The following PRKG2 variants were observed in gnomAD, a reference collection of about 807,000 sequenced individuals.
PRKG2 encodes cGMP-dependent protein kinase 2.
Under a neutral mutation model 97.2 loss-of-function variants are expected in PRKG2, and 33 were observed. The ratio of observed to expected loss-of-function variants is 0.34; its 90% CI spans 0.26 to 0.45. The LOEUF (loss-of-function observed/expected upper bound fraction) is 0.45, where lower values mean the gene tolerates loss of function less well. PRKG2 is among the 20% of genes least tolerant of loss of function. PRKG2 has a pLI of 1.00. For missense variants in PRKG2, 638 were observed against 900.0 expected, an observed-to-expected ratio of 0.71 and a Z score of 3.73; for synonymous variants, 330 against 321.8, an observed-to-expected ratio of 1.03 and a Z score of -0.27.
At chr4:81,152,358 C>A (rs1208613025) in intron 7 of PRKG2, among the ~76,000 whole-genome samples, 1 of 152,094 alleles carries the variant, frequency 6.6e-6, no homozygotes, top group Non-Finnish European at 1.5e-5. Context: ...TCTGAGAGAT[C>A]CACAAAGCAA....
At chr4:81,105,245 T>G (rs1465001069) in intron 16 of PRKG2, among the ~76,000 whole-genome samples, 1 of 152,142 alleles carries the variant, frequency 6.6e-6, no homozygotes, top group Non-Finnish European at 1.5e-5. Context: ...TTGAATTTAT[T>G]CCTTTTATCT....
chr4:81,097,327 C>A (rs1254801943), intron 17 of PRKG2, among the ~76,000 whole-genome samples: 3 of 152,080 alleles, frequency 2.0e-5, no homozygotes, highest in African/African-American at 7.2e-5. Context: ...TTATTCCGAG[C>A]AGGAGGTCTC....
intron 6 of PRKG2, among the ~76,000 whole-genome samples, chr4:81,159,303 T>A (rs1305503454): frequency 6.6e-6 from 1 of 151,872 alleles, no homozygotes; most frequent in Non-Finnish European, 1.5e-5. Flanking sequence ...GCAACGGATA[T>A]GAACAGACAC....
intron 6 of PRKG2, among the ~76,000 whole-genome samples, chr4:81,160,709 T>C (rs1387069531): frequency 6.6e-6 from 1 of 152,206 alleles, no homozygotes; most frequent in South Asian, 2.1e-4. Context: ...TATTATTTAA[T>C]TTAGATCTAT....
chr4:81,116,678 T>C (rs1388923417), intron 14 of PRKG2, among the ~76,000 whole-genome samples: 1 of 152,182 alleles, frequency 6.6e-6, no homozygotes, highest in Non-Finnish European at 1.5e-5. Flanking sequence ...CCTGCCAGTA[T>C]GTTATTTTTT....
At chr4:81,183,664 G>A (rs1421582267) in intron 2 of PRKG2, among the ~76,000 whole-genome samples, 1 of 151,976 alleles carries the variant, frequency 6.6e-6, no homozygotes, top group Non-Finnish European at 1.5e-5. Flanking sequence ...CCCCTGAAAA[G>A]GGGGCTGAAG....
chr4:81,091,303 G>A (rs927891432), intron 18 of PRKG2, among the ~76,000 whole-genome samples: 2 of 151,242 alleles, frequency 1.3e-5, no homozygotes, highest in African/African-American at 4.9e-5. Context: ...TATTTTTTGA[G>A]ACGGAGTCTT....
At chr4:81,176,545 C>T (rs934575905) in intron 2 of PRKG2, among the ~76,000 whole-genome samples, 3 of 152,136 alleles carry the variant, frequency 2.0e-5, no homozygotes, top group Non-Finnish European at 4.4e-5. Context: ...CAAGAAGCTC[C>T]AGCTTTCGCA....
intron 14 of PRKG2, among the ~76,000 whole-genome samples, chr4:81,123,093 G>A (rs2110005841): frequency 6.6e-6 from 1 of 152,284 alleles, no homozygotes; most frequent in Middle Eastern, 3.4e-3. Flanking sequence ...TATTATTTGT[G>A]TTTTATACAT....
At chr4:81,140,766 T>C (rs953318993) in intron 11 of PRKG2, 97 bp from the exon 12 acceptor site, 2 of 1,087,746 alleles carry the variant, frequency 1.8e-6, no homozygotes, top group Non-Finnish European at 1.3e-6. Context: ...TTAATTAGTA[T>C]GGAAGCCCTT....
chr4:81,106,014 T>G lies in PRKG2; in HGVS notation c.1941-79A>C, dbSNP rs939256334. ...ATTTGGAATGAATTTTCTTTCTTCCTTCTTTCCTTCCCTCCCTTCTTTCAT... is the reference window on the plus strand; with the variant it reads ...ATTTGGAATGAATTTTCTTTCTTCCGTCTTTCCTTCCCTCCCTTCTTTCAT... On this transcript the variant is annotated intron_variant, in intron 15 of 18. Coordinates refer to ENST00000264399, the MANE Select transcript of PRKG2 (RefSeq NM_006259.3). The G allele has an allele frequency of 2.7e-6, 4 of 1,468,272 alleles. No homozygotes were observed. The East Asian group carries it at 9.3e-5, about 34-fold the overall frequency. 91.0% of individuals were successfully genotyped at this position (1,468,272 alleles called of 1,614,324 possible).
chr4:81,100,041 C>A (rs1433394557), intron 17 of PRKG2, among the ~76,000 whole-genome samples: 1 of 151,960 alleles, frequency 6.6e-6, no homozygotes, highest in African/African-American at 2.4e-5. Flanking sequence ...GAACTACAAA[C>A]CACTGCTCGA....
At position 81,088,676 on chromosome 4, in the gene PRKG2, T is replaced by C. The variant is rs1235880098; in HGVS notation, c.*1032A>G. On this transcript the variant is annotated 3_prime_UTR_variant, in exon 19 of 19. Transcript: ENST00000264399. ...AACACATCCATGACTCAGATGTCTT[T>C]AAAAAGCGCTATTAACTCAGCAGTG... is the stretch of plus-strand genomic sequence containing the variant. The C allele has an allele frequency of 6.6e-6, 1 of 152,174 alleles. No individual in the cohort carries two copies. The highest frequency in any genetic ancestry group is 1.5e-5 in the Non-Finnish European group (1 of 68,020). 9.4% of individuals were successfully genotyped at this position (152,174 alleles called of 1,614,324 possible). A position where few individuals can be genotyped will look rare whatever the true frequency, so the allele number is the denominator to read the frequency against.
intron 11 of PRKG2, 93 bp from the exon 12 acceptor site, chr4:81,140,762 A>T: frequency 5.3e-6 from 6 of 1,140,992 alleles, no homozygotes; most frequent in Non-Finnish European, 7.5e-6. Context: ...ATGTTTAATT[A>T]GTATGGAAGC....
At chr4:81,131,273 G>T (rs1055969585) in intron 14 of PRKG2, among the ~76,000 whole-genome samples, 1 of 151,880 alleles carries the variant, frequency 6.6e-6, no homozygotes, top group East Asian at 1.9e-4. Context: ...CCCAGGTGAG[G>T]TGACATTCCA....
At chr4:81,202,872 G>A (rs1753404115) in intron 2 of PRKG2, among the ~76,000 whole-genome samples, 1 of 152,026 alleles carries the variant, frequency 6.6e-6, no homozygotes, top group Non-Finnish European at 1.5e-5. Flanking sequence ...CAAAGTAATT[G>A]AACATAATCT....
At chr4:81,190,038 A>C (rs982284424) in intron 2 of PRKG2, among the ~76,000 whole-genome samples, 7 of 152,222 alleles carry the variant, frequency 4.6e-5, no homozygotes, top group African/African-American at 1.2e-4. Context: ...ATCCCCATCA[A>C]GCTACCATTG....
intron 17 of PRKG2, among the ~76,000 whole-genome samples, chr4:81,092,837 A>G (rs1240049851): frequency 6.6e-6 from 1 of 152,192 alleles, no homozygotes; most frequent in Non-Finnish European, 1.5e-5. Flanking sequence ...ATCTGAGTCC[A>G]TGATCAAATC....
At chr4:81,194,965 C>G (rs1752863116) in intron 2 of PRKG2, among the ~76,000 whole-genome samples, 1 of 152,212 alleles carries the variant, frequency 6.6e-6, no homozygotes, top group East Asian at 1.9e-4. Context: ...GCCCAGGGCT[C>G]TTGCCTCAAA....
Sources: gnomAD v4.1 joint callset for allele counts (sites outside exome capture counted in the v4.1 genomes callset) on GRCh38, gnomAD v4.1.1 for gene constraint, MANE v1.5 for transcripts, NCBI Gene and HGNC (gene_info 2026-07-23, HGNC 2026-07-21) for gene names.